The following CNTLN variants were observed in gnomAD, a reference collection of about 807,000 sequenced individuals.
CNTLN encodes centlein, also known as centlein, centrosomal protein.
In CNTLN, 212 loss-of-function variants were observed where a neutral mutation model predicts 180.0. That is an observed-to-expected ratio of 1.18 (90% CI 1.05 to 1.32). The LOEUF is 1.32. Among genes scored for constraint, CNTLN ranks in the 40% most tolerant of loss-of-function variants. The pLI, the probability that CNTLN is intolerant of heterozygous loss-of-function variation, is 0.00. For synonymous variants in CNTLN, 722 were observed against 563.1 expected (o/e 1.28, Z -3.99); for missense variants, 2,095 against 1,610.9 (o/e 1.30, Z -5.14).
chr9:17,173,814 T>C (rs998840241), intron 2 of CNTLN, among the ~76,000 whole-genome samples: 2 of 152,192 alleles, frequency 1.3e-5, no homozygotes, highest in African/African-American at 4.8e-5. Context: ...TCACATGCAG[T>C]TACAGGAAAT....
chr9:17,163,475 A>G (rs1452829886), intron 2 of CNTLN, among the ~76,000 whole-genome samples: 2 of 152,254 alleles, frequency 1.3e-5, no homozygotes, highest in African/African-American at 4.8e-5. Context: ...CTGCTTATTC[A>G]GTAATCTCTT....
intron 8 of CNTLN, among the ~76,000 whole-genome samples, chr9:17,315,673 AT>A (rs1370070006): frequency 6.6e-6 from 1 of 151,638 alleles, no homozygotes; most frequent in Admixed American, 6.6e-5. Flanking sequence ...ATCTTCAAAG[AT>A]TTTTTTCTGT....
chr9:17,235,892 A>G (rs981282123), intron 4 of CNTLN, 100 bp downstream of exon 4: 180 of 1,329,484 alleles, frequency 1.4e-4, no homozygotes, highest in Non-Finnish European at 1.7e-4. Flanking sequence ...ATTTGGAGGA[A>G]AAATTGCCTT....
intron 14 of CNTLN, among the ~76,000 whole-genome samples, chr9:17,388,543 G>A (rs1372298596): frequency 6.6e-6 from 1 of 151,978 alleles, no homozygotes; most frequent in African/African-American, 2.4e-5. Context: ...ATATGTGCTT[G>A]TTAGTTATAA....
chr9:17,498,043 T>A (rs926168942), intron 25 of CNTLN, among the ~76,000 whole-genome samples: 3 of 152,180 alleles, frequency 2.0e-5, no homozygotes, highest in African/African-American at 7.2e-5. Flanking sequence ...AATATAACTC[T>A]AGATAAAAGT....
At chr9:17,145,994 C>T (rs1294811944) in intron 2 of CNTLN, among the ~76,000 whole-genome samples, 1 of 152,124 alleles carries the variant, frequency 6.6e-6, no homozygotes, top group Non-Finnish European at 1.5e-5. Context: ...ATTGAGCATA[C>T]AGTAATGCTA....
chr9:17,206,195 A>C (rs184283128), intron 2 of CNTLN, among the ~76,000 whole-genome samples: 7 of 152,288 alleles, frequency 4.6e-5, no homozygotes, highest in Admixed American at 6.5e-5. Context: ...GGGGTGGGGT[A>C]ATAACACTTG....
chr9:17,270,788 C>G (rs900505147), intron 5 of CNTLN, among the ~76,000 whole-genome samples: 8 of 151,628 alleles, frequency 5.3e-5, no homozygotes, highest in African/African-American at 9.7e-5. Context: ...TTAAATTATC[C>G]TTTTGAAATT....
chr9:17,369,382 G>C (rs1824114654), intron 13 of CNTLN, among the ~76,000 whole-genome samples: 1 of 151,692 alleles, frequency 6.6e-6, no homozygotes, highest in African/African-American at 2.4e-5. Context: ...TATGAAAACA[G>C]GATAATATAC....
At position 17,249,262 on chromosome 9, in the gene CNTLN, C is replaced by T. The variant is rs765748673; in HGVS notation, c.849+12674C>T. Among the ~76,000 whole-genome samples, 46 of 151,130 alleles carry T rather than the reference C, an allele frequency of 3.0e-4. 1 individual carries two copies. Among genetic ancestry groups the T allele is most frequent in the African/African-American group, 9.5e-4 (39 of 41,096 alleles). On this transcript the variant is annotated intron_variant, in intron 5 of 25. Coordinates refer to ENST00000380647, the MANE Select transcript of CNTLN (RefSeq NM_017738.4). ...CATTTGCTACATGGTATAGTTTTGT[C>T]GTGTTGTGTTTCTTTAAAATTCATC...
intron 10 of CNTLN, among the ~76,000 whole-genome samples, chr9:17,336,369 T>C (rs998141816): frequency 1.3e-5 from 2 of 152,296 alleles, no homozygotes; most frequent in East Asian, 3.9e-4. Context: ...GAAGTGTTTT[T>C]CTTTGAACTG....
At chr9:17,197,105 G>A (rs1822183918) in intron 2 of CNTLN, among the ~76,000 whole-genome samples, 1 of 152,024 alleles carries the variant, frequency 6.6e-6, no homozygotes, top group African/African-American at 2.4e-5. Context: ...TACACTCACG[G>A]TACCTCAGTT....
chr9:17,408,119 ACT>A (rs1827543414), intron 15 of CNTLN, among the ~76,000 whole-genome samples: 1 of 94,556 alleles, frequency 1.1e-5, no homozygotes, highest in Non-Finnish European at 2.0e-5. Flanking sequence ...ACAGAGTGAG[ACT>A]CTGTCTCAAA....
intron 10 of CNTLN, among the ~76,000 whole-genome samples, chr9:17,337,453 G>C (rs888582158): frequency 1.3e-5 from 2 of 152,120 alleles, no homozygotes; most frequent in African/African-American, 4.8e-5. Context: ...TTAGTGGAAA[G>C]AGCCACTTAT....
At chr9:17,228,490 A>G (rs184693044) in intron 3 of CNTLN, among the ~76,000 whole-genome samples, 4 of 152,192 alleles carry the variant, frequency 2.6e-5, no homozygotes, top group Admixed American at 1.3e-4. Context: ...AAATGTATAT[A>G]TTATCCTGTG....
intron 2 of CNTLN, among the ~76,000 whole-genome samples, chr9:17,180,541 A>G (rs1821061125): frequency 6.6e-6 from 1 of 151,770 alleles, no homozygotes. Context: ...ATATTATTAT[A>G]CTTTTTGTTT....
At position 17,473,526 on chromosome 9, in the gene CNTLN, A is replaced by T. The variant is rs151258877; in HGVS notation, c.3855+6635A>T. ...ACTTTGGCCCTGTAGTTTCAACCCT[A>T]CACTTTGTATCACCAATATTCCCTC... On this transcript the variant is annotated intron_variant, in intron 23 of 25. Coordinates refer to ENST00000380647, the MANE Select transcript of CNTLN (RefSeq NM_017738.4). Among the ~76,000 whole-genome samples the T allele has an allele frequency of 1.8e-3, 271 of 151,008 alleles. 1 individual carries two copies. The highest frequency in any genetic ancestry group is 2.9e-3 in the Non-Finnish European group (198 of 67,886).
intron 25 of CNTLN, among the ~76,000 whole-genome samples, chr9:17,492,721 A>C (rs73418341): frequency 0.029 from 4,340 of 152,274 alleles, 205 homozygotes; most frequent in African/African-American, 0.099. Flanking sequence ...ATTATCCAGT[A>C]ATTCTGCCTT....
At chr9:17,261,779 C>T (rs183379090) in intron 5 of CNTLN, among the ~76,000 whole-genome samples, 1 of 151,612 alleles carries the variant, frequency 6.6e-6, no homozygotes, top group Admixed American at 6.6e-5. Flanking sequence ...AAGAAACTAG[C>T]ATCAGAGTGA....
Sources: gnomAD v4.1 joint callset for allele counts (sites outside exome capture counted in the v4.1 genomes callset) on GRCh38, gnomAD v4.1.1 for gene constraint, MANE v1.5 for transcripts, NCBI Gene and HGNC (gene_info 2026-07-23, HGNC 2026-07-21) for gene names.